CCNJ: variants seen among roughly 807,000 people sequenced by gnomAD.
CCNJ encodes cyclin-J.
A neutral mutation model predicts 41.4 loss-of-function variants in CCNJ; 12 were observed. The ratio of observed to expected loss-of-function variants is 0.29; its 90% CI spans 0.19 to 0.47. CCNJ has a LOEUF of 0.47. CCNJ is among the 20% of genes least tolerant of loss of function. The probability of loss-of-function intolerance (pLI) is 1.00; values close to 1 mark genes in which losing one functional copy is unlikely to be tolerated. For missense variants in CCNJ, 340 were observed against 464.6 expected (o/e 0.73, Z 2.47); for synonymous variants, 161 against 173.4 (o/e 0.93, Z 0.56).
Position 96,058,721 on chromosome 10 carries a change from A to C in CCNJ, c.*480A>C, listed in dbSNP as rs181068005. 2.6e-6 allele frequency: 1 copy of C among 385,392 alleles called. No individual in the cohort carries two copies. The highest frequency in any genetic ancestry group is 2.1e-5 in the African/African-American group (1 of 48,442). 23.9% of individuals were successfully genotyped at this position (385,392 alleles called of 1,614,324 possible). On this transcript the variant is annotated 3_prime_UTR_variant, in exon 6 of 6. Transcript: ENST00000465148. ...CTGCAATTTTTTATTTTTGTTCTAC[A>C]CATGAATTTTTGACTAAGTTTAAAC...
intron 3 of CCNJ, among the ~76,000 whole-genome samples, chr10:96,055,953 A>G (rs2080673789): frequency 1.3e-5 from 2 of 152,220 alleles, no homozygotes; most frequent in African/African-American, 4.8e-5. Context: ...GCCAAGATGA[A>G]ACAATTGGAG....
chr10:96,049,277 G>C (rs1233200545), intron 2 of CCNJ, among the ~76,000 whole-genome samples: 1 of 151,986 alleles, frequency 6.6e-6, no homozygotes, highest in Non-Finnish European at 1.5e-5. Flanking sequence ...CAAATCCTTT[G>C]CCCATTTTTA....
intron 3 of CCNJ, among the ~76,000 whole-genome samples, chr10:96,052,170 C>T (rs2080545732): frequency 6.6e-6 from 1 of 152,170 alleles, no homozygotes; most frequent in African/African-American, 2.4e-5. Context: ...ATTAAAGTTT[C>T]ATGCTCATAA....
intron 2 of CCNJ, among the ~76,000 whole-genome samples, chr10:96,045,202 T>A (rs74151248): frequency 0.041 from 6,313 of 152,280 alleles, 402 homozygotes; most frequent in East Asian, 0.27. Context: ...TAAGTAACGG[T>A]TTTACTCTGC....
intron 3 of CCNJ, among the ~76,000 whole-genome samples, chr10:96,052,387 AGATT>A (rs1448158096): frequency 1.3e-5 from 2 of 152,210 alleles, no homozygotes; most frequent in Admixed American, 6.5e-5. Flanking sequence ...CATGCAAGTT[AGATT>A]ATTTTAAAAA....
chr10:96,053,936 G>C (rs1162352346), intron 3 of CCNJ, among the ~76,000 whole-genome samples: 3 of 152,024 alleles, frequency 2.0e-5, no homozygotes, highest in Non-Finnish European at 4.4e-5. Context: ...TGTTAGGGAT[G>C]ACTTTTTTCC....
In CCNJ at chr10:96,054,246, T is replaced by C. The variant is rs555759856; in HGVS notation, c.281-2455T>C. On this transcript the variant is annotated intron_variant, in intron 3 of 5. Transcript: ENST00000465148. ...TAATCACATGGCTTCTGTTATTTCCTTTCAATTGAAGAAACTGATCTTTGT... is the reference window on the plus strand; with the variant it reads ...TAATCACATGGCTTCTGTTATTTCCCTTCAATTGAAGAAACTGATCTTTGT... Among the ~76,000 whole-genome samples, 4 of 152,336 alleles carry C rather than the reference T, an allele frequency of 2.6e-5. No homozygotes were observed. In the South Asian group the frequency reaches 8.3e-4, roughly 32 times the overall value.
At position 96,055,802 on chromosome 10, in the gene CCNJ, T is replaced by G. The variant is rs1024809645; in HGVS notation, c.281-899T>G. Reference sequence around the variant, plus strand: ...ATATAAACTATCTCCCCCATGCCCCTTTTTTCTTTAACAGACTAGATTTTT... The same window carrying G: ...ATATAAACTATCTCCCCCATGCCCCGTTTTTCTTTAACAGACTAGATTTTT... On this transcript the variant is annotated intron_variant, in intron 3 of 5. Transcript: ENST00000465148. Among the ~76,000 whole-genome samples the G allele has an allele frequency of 3.3e-5, 5 of 152,202 alleles. No individual in the cohort carries two copies. In the South Asian group the frequency reaches 1.0e-3, roughly 31 times the overall value.
At chr10:96,045,422 CT>C (rs1461839100) in intron 2 of CCNJ, among the ~76,000 whole-genome samples, 1 of 152,188 alleles carries the variant, frequency 6.6e-6, no homozygotes, top group African/African-American at 2.4e-5. Context: ...TGATAATGAA[CT>C]TTTATCTTGA....
At chr10:96,054,487 T>C (rs1591013630) in intron 3 of CCNJ, among the ~76,000 whole-genome samples, 2 of 152,240 alleles carry the variant, frequency 1.3e-5, no homozygotes, top group Admixed American at 6.5e-5. Context: ...AGTATGGTTA[T>C]TTATTCAGAA....
chr10:96,057,775 G>A, intron 5 of CCNJ, 55 bp from the exon 6 acceptor site: 1 of 1,531,150 alleles, frequency 6.5e-7, no homozygotes, highest in Non-Finnish European at 8.9e-7. Flanking sequence ...TGATTTTCTT[G>A]CAGATTTCTT....
intron 3 of CCNJ, among the ~76,000 whole-genome samples, chr10:96,054,784 A>T (rs1209669296): frequency 3.3e-5 from 5 of 152,210 alleles, no homozygotes; most frequent in African/African-American, 1.2e-4. Context: ...TGAAGATTTC[A>T]AGGAGATAAT....
chr10:96,054,462 T>A (rs1356244873), intron 3 of CCNJ, among the ~76,000 whole-genome samples: 1 of 152,236 alleles, frequency 6.6e-6, no homozygotes, highest in African/African-American at 2.4e-5. Context: ...ATTTGAACCC[T>A]GAATTAAAAC....
At chr10:96,057,505 G>T (rs1156927844) in intron 5 of CCNJ, among the ~76,000 whole-genome samples, 3 of 152,138 alleles carry the variant, frequency 2.0e-5, no homozygotes, top group African/African-American at 7.2e-5. Flanking sequence ...GATCAGTCCA[G>T]GCCAGCCTTG....
At position 96,044,378 on chromosome 10, in the gene CCNJ, C is replaced by T. The variant is rs941967064; in HGVS notation, c.-16C>T. ...ACTCGAGTTGCCGCGTCGGGCTGGG[C>T]GCGCCGCCGGGTCCCATGGAGCTGG... On this transcript the variant is annotated 5_prime_UTR_variant, in exon 2 of 6. Coordinates refer to ENST00000465148, the MANE Select transcript of CCNJ (RefSeq NM_001134375.2). The T allele has an allele frequency of 9.9e-6, 15 of 1,511,988 alleles. No individual in the cohort carries two copies. Among genetic ancestry groups the T allele is most frequent in the Admixed American group, 4.0e-5 (2 of 49,742 alleles). The allele number at this position is 1,511,988 out of a possible 1,614,324, so 93.7% of individuals were successfully genotyped here. A position where few individuals can be genotyped will look rare whatever the true frequency, so the allele number is the denominator to read the frequency against.
In CCNJ at chr10:96,056,623, A is replaced by G. The variant is rs2080703198; in HGVS notation, c.281-78A>G. 4 of 1,053,540 alleles carry G rather than the reference A, an allele frequency of 3.8e-6. 1 individual carries two copies. In the South Asian group the frequency reaches 6.4e-5, roughly 17 times the overall value. The allele number at this position is 1,053,540 out of a possible 1,614,324, so 65.3% of individuals were successfully genotyped here. On this transcript the variant is annotated intron_variant, in intron 3 of 5. Coordinates refer to ENST00000465148, the MANE Select transcript of CCNJ (RefSeq NM_001134375.2). The stretch of plus-strand genomic sequence containing the variant: ...CTAAATCCTGGCAATAAGACAGCAA[A>G]TCCCATTTTACTGACTAGACCAATA...
At position 96,057,234 on chromosome 10, in the gene CCNJ, G is replaced by C. The variant is rs1238683698; in HGVS notation, c.727G>C (p.Glu243Gln). 4.3e-6 allele frequency: 7 copies of C among 1,613,876 alleles called. No individual in the cohort carries two copies. Among genetic ancestry groups the C allele is most frequent in the Non-Finnish European group, 5.1e-6 (6 of 1,179,798 alleles). ...TTGGGATTTCTTAGTGCAGTGTATT[G>C]AACGACTGTTGATGTAAGCCTTTTT... The part of the protein sequence containing the change: ...YSWDFLVQCI[E>Q]RLLIAHDNDV... The change falls in exon 5 of 6, where the codon GAA (glutamate) becomes CAA (glutamine). Residue 243 changes from glutamate to glutamine, a missense_variant. Physicochemically the swap from Glu to Gln is conservative, Grantham distance 29. Transcript: ENST00000465148.
rs1175795313 is a variant in CCNJ at position 96,058,165 on chromosome 10, G to A, written c.1076G>A (p.Cys359Tyr). 1.2e-6 allele frequency: 2 copies of A among 1,614,152 alleles called. No homozygotes were observed. Among genetic ancestry groups the A allele is most frequent in the Non-Finnish European group, 1.7e-6 (2 of 1,179,986 alleles). ...GCAATACCAGTAGAAGTTAAGCCCT[G>A]TCTGAGTGTTTCTTACAACCGGAGT... ...SLAIPVEVKP[C>Y]LSVSYNRSYQ... The change falls in exon 6 of 6, where the codon TGT (cysteine) becomes TAT (tyrosine). Residue 359 changes from cysteine to tyrosine, a missense_variant. Physicochemically the swap from Cys to Tyr is radical, Grantham distance 194. Transcript: ENST00000465148.
chr10:96,056,427 C>T (rs2080695575), intron 3 of CCNJ, among the ~76,000 whole-genome samples: 3 of 151,910 alleles, frequency 2.0e-5, no homozygotes, highest in Non-Finnish European at 4.4e-5. Context: ...TTATTTTTTT[C>T]ACTGGCACAT....
Sources: gnomAD v4.1 joint callset for allele counts (sites outside exome capture counted in the v4.1 genomes callset) on GRCh38, gnomAD v4.1.1 for gene constraint, MANE v1.5 for transcripts, NCBI Gene and HGNC (gene_info 2026-07-23, HGNC 2026-07-21) for gene names.